The following BAZ1A variants were observed in gnomAD, a reference collection of about 807,000 sequenced individuals.
BAZ1A encodes the protein bromodomain adjacent to zinc finger domain protein 1A.
In BAZ1A, 50 loss-of-function variants were observed where a neutral mutation model predicts 185.2. The observed-to-expected ratio is 0.27, with a 90% confidence interval of 0.22 to 0.34. The LOEUF is 0.34. BAZ1A is among the 10% of genes least tolerant of loss of function. BAZ1A has a pLI of 1.00. For synonymous variants in BAZ1A, 571 were observed against 615.6 expected, an observed-to-expected ratio of 0.93 and a Z score of 1.07; for missense variants, 1,356 against 1,839.9, an observed-to-expected ratio of 0.74 and a Z score of 4.81.
intron 4 of BAZ1A, among the ~76,000 whole-genome samples, chr14:34,819,731 A>G (rs1320057925): frequency 1.3e-5 from 2 of 152,238 alleles, no homozygotes; most frequent in Non-Finnish European, 2.9e-5. Flanking sequence ...GCTACTATAA[A>G]CATCCATGTG....
At chr14:34,785,709 C>G in intron 14 of BAZ1A, 68 bp downstream of exon 14, 1 of 1,362,768 alleles carries the variant, frequency 7.3e-7, no homozygotes, top group East Asian at 2.3e-5. Context: ...CTCATCAGCT[C>G]CTTAGTTTTC....
intron 4 of BAZ1A, among the ~76,000 whole-genome samples, chr14:34,816,005 C>G (rs2042000207): frequency 1.3e-5 from 2 of 148,172 alleles, no homozygotes; most frequent in African/African-American, 5.0e-5. Flanking sequence ...AACGATTAGT[C>G]AAGTTATAAT....
chr14:34,799,902 AC>A (rs1881416034), intron 9 of BAZ1A, among the ~76,000 whole-genome samples: 1 of 151,978 alleles, frequency 6.6e-6, no homozygotes, highest in South Asian at 2.1e-4. Flanking sequence ...GAGCCACTGC[AC>A]CCGGCCTATT....
At chr14:34,850,636 A>C (rs926430765) in intron 3 of BAZ1A, among the ~76,000 whole-genome samples, 3 of 152,188 alleles carry the variant, frequency 2.0e-5, no homozygotes, top group African/African-American at 7.2e-5. Context: ...ACGCTAGCTA[A>C]ATAGAAGATT....
At position 34,752,788 on chromosome 14, in the gene BAZ1A, T is replaced by TAATA. The variant is rs1175490471; in HGVS notation, c.*716_*719dup. Reference sequence around the variant, plus strand: ...TTAAAAAGTTATACATAGAAACTTATAATACAGTTCTGTAAAGCTGAAAGA... The same window carrying TAATA: ...TTAAAAAGTTATACATAGAAACTTATAATAAATACAGTTCTGTAAAGCTGAAAGA... On this transcript the variant is annotated 3_prime_UTR_variant, in exon 27 of 27. Coordinates refer to ENST00000360310, the MANE Select transcript of BAZ1A (RefSeq NM_013448.3). The TAATA allele has an allele frequency of 6.6e-6, 1 of 152,224 alleles. No homozygotes were observed. The highest frequency in any genetic ancestry group is 1.5e-5 in the Non-Finnish European group (1 of 68,046). The allele number at this position is 152,224 out of a possible 1,614,324, so 9.4% of individuals were successfully genotyped here.
intron 4 of BAZ1A, among the ~76,000 whole-genome samples, chr14:34,822,993 G>A (rs969305435): frequency 2.4e-5 from 3 of 123,362 alleles, no homozygotes; most frequent in Admixed American, 7.7e-5. Context: ...CTGACCCCCA[G>A]AATCTACACA....
Position 34,868,139 on chromosome 14 carries a change from A to C in BAZ1A, c.114-5817T>G, listed in dbSNP as rs547936768. On this transcript the variant is annotated intron_variant, in intron 2 of 26. Transcript: ENST00000360310. ...GCACAGAGACCAAACCCTGCCCTCC[A>C]CCTGTTTTTGTAGATTTTTTGGGGA... is the stretch of plus-strand genomic sequence containing the variant. Among the ~76,000 whole-genome samples, 10 of 152,300 alleles carry C rather than the reference A, an allele frequency of 6.6e-5. No homozygotes were observed. In the South Asian group the frequency reaches 2.1e-3, roughly 32 times the overall value.
intron 3 of BAZ1A, among the ~76,000 whole-genome samples, chr14:34,858,290 C>A (rs1361654178): frequency 2.0e-5 from 3 of 152,018 alleles, no homozygotes; most frequent in Non-Finnish European, 4.4e-5. Context: ...CAGACTCGTG[C>A]TTTGTTGCCC....
intron 2 of BAZ1A, among the ~76,000 whole-genome samples, chr14:34,870,175 AG>A (rs1269595092): frequency 6.6e-6 from 1 of 152,248 alleles, no homozygotes. Flanking sequence ...TATTGTCTGA[AG>A]AAAAAATGTA....
intron 2 of BAZ1A, among the ~76,000 whole-genome samples, chr14:34,870,665 C>T (rs181317357): frequency 1.3e-5 from 2 of 152,314 alleles, no homozygotes; most frequent in East Asian, 3.8e-4. Flanking sequence ...TTAATGCATA[C>T]TTCAACAGAT....
intron 7 of BAZ1A, among the ~76,000 whole-genome samples, chr14:34,802,403 G>C (rs1206148630): frequency 6.6e-6 from 1 of 152,028 alleles, no homozygotes; most frequent in African/African-American, 2.4e-5. Context: ...ATGTTGTCCA[G>C]GCTAGTCTAG....
chr14:34,818,707 C>T (rs144596531), intron 4 of BAZ1A, among the ~76,000 whole-genome samples: 8 of 152,280 alleles, frequency 5.3e-5, no homozygotes, highest in African/African-American at 1.9e-4. Context: ...TTCCATTTGT[C>T]TTACATATCC....
intron 3 of BAZ1A, among the ~76,000 whole-genome samples, chr14:34,858,910 T>C (rs911053498): frequency 1.3e-5 from 2 of 151,656 alleles, no homozygotes; most frequent in African/African-American, 4.8e-5. Flanking sequence ...AAGAGAAGAG[T>C]AATGCAAAGG....
chr14:34,775,780 G>C, intron 18 of BAZ1A, 139 bp downstream of exon 18: 1 of 650,748 alleles, frequency 1.5e-6, no homozygotes, highest in Non-Finnish European at 2.6e-6. Flanking sequence ...ACTCTAACTT[G>C]CAAACTAAAA....
chr14:34,874,648 G>A lies in BAZ1A; in HGVS notation c.-44C>T. On this transcript the variant is annotated 5_prime_UTR_variant, in exon 2 of 27. Coordinates refer to ENST00000360310, the MANE Select transcript of BAZ1A (RefSeq NM_013448.3). This position sits in a 1 kb window ranked among gnomAD's most constrained non-coding sequence, Gnocchi z 4.7. Reference sequence around the variant, plus strand: ...CTCGCCTGGACCCTCGGCCGCCCGCGCCGGCCCCGCTTCCCTATCAAAATT... The same window carrying A: ...CTCGCCTGGACCCTCGGCCGCCCGCACCGGCCCCGCTTCCCTATCAAAATT... The A allele has an allele frequency of 1.3e-6, 2 of 1,503,086 alleles. No individual in the cohort carries two copies. The highest frequency in any genetic ancestry group is 1.8e-6 in the Non-Finnish European group (2 of 1,100,486). The allele number at this position is 1,503,086 out of a possible 1,614,324, so 93.1% of individuals were successfully genotyped here.
chr14:34,787,355 A>G (rs1344146296), intron 12 of BAZ1A, among the ~76,000 whole-genome samples: 2 of 134,478 alleles, frequency 1.5e-5, no homozygotes, highest in African/African-American at 2.7e-5. Flanking sequence ...CTGTCTCAAA[A>G]AAAAAAAAAA....
intron 4 of BAZ1A, among the ~76,000 whole-genome samples, chr14:34,818,397 G>A (rs1449703586): frequency 6.6e-6 from 1 of 152,204 alleles, no homozygotes; most frequent in African/African-American, 2.4e-5. Flanking sequence ...AGTGGTGATA[G>A]TTGTACAACA....
At chr14:34,801,441 GCCACCA>G (rs1881550665) in intron 7 of BAZ1A, among the ~76,000 whole-genome samples, 1 of 135,226 alleles carries the variant, frequency 7.4e-6, no homozygotes. Context: ...ACAGGCATGT[GCCACCA>G]CACCTGGCTA....
At chr14:34,862,443 C>G in intron 2 of BAZ1A, 121 bp from the exon 3 acceptor site, 5 of 1,058,702 alleles carry the variant, frequency 4.7e-6, no homozygotes, top group Non-Finnish European at 6.6e-6. Flanking sequence ...TTTATGTAGA[C>G]TCACAGAACT....
Sources: gnomAD v4.1 joint callset for allele counts (sites outside exome capture counted in the v4.1 genomes callset) on GRCh38, gnomAD v4.1.1 for gene constraint, Gnocchi (gnomAD v3.1) non-coding constraint, MANE v1.5 for transcripts, NCBI Gene and HGNC (gene_info 2026-07-23, HGNC 2026-07-21) for gene names.